CSMD1: variants seen among roughly 807,000 people sequenced by gnomAD.
CSMD1 encodes the protein CUB and sushi domain-containing protein 1.
Under a neutral mutation model 417.5 loss-of-function variants are expected in CSMD1, and 213 were observed. That is an observed-to-expected ratio of 0.51 (90% confidence interval 0.46 to 0.57). The LOEUF (loss-of-function observed/expected upper bound fraction) is 0.57. CSMD1 is among the 20% of genes least tolerant of loss of function. The pLI, the probability that CSMD1 is intolerant of heterozygous loss-of-function variation, is 0.00. For synonymous variants in CSMD1, 2,862 were observed against 1,736.8 expected (o/e 1.65, Z -16.11); for missense variants, 6,923 against 4,529.7 (o/e 1.53, Z -15.17).
chr8:4,253,720 A>G (rs1246245543), intron 3 of CSMD1, among the ~76,000 whole-genome samples: 1 of 151,942 alleles, frequency 6.6e-6, no homozygotes, highest in Non-Finnish European at 1.5e-5. Context: ...ATGCTTAACT[A>G]CACACATCAA....
At chr8:4,295,768 A>C (rs1310224960) in intron 3 of CSMD1, among the ~76,000 whole-genome samples, 1 of 36,266 alleles carries the variant, frequency 2.8e-5, no homozygotes, top group Non-Finnish European at 6.9e-5. Context: ...ATATATATAT[A>C]TATATATATA....
chr8:4,371,899 G>A (rs571817912), intron 3 of CSMD1, among the ~76,000 whole-genome samples: 2 of 152,238 alleles, frequency 1.3e-5, no homozygotes, highest in Non-Finnish European at 2.9e-5. Flanking sequence ...TGCAAGTTAA[G>A]AAGGGAAGTG....
intron 3 of CSMD1, among the ~76,000 whole-genome samples, chr8:4,290,113 G>T (rs949448799): frequency 6.6e-6 from 1 of 152,102 alleles, no homozygotes; most frequent in Non-Finnish European, 1.5e-5. Flanking sequence ...AAAACCAAAC[G>T]GAATCAAATA....
chr8:3,683,369 G>C (rs544901647), intron 7 of CSMD1, among the ~76,000 whole-genome samples: 4 of 152,154 alleles, frequency 2.6e-5, no homozygotes, highest in East Asian at 3.9e-4. Context: ...CGAGTGAGCT[G>C]TTTATTCTGG....
intron 2 of CSMD1, among the ~76,000 whole-genome samples, chr8:4,465,382 A>G: frequency 6.6e-6 from 1 of 152,286 alleles, no homozygotes; most frequent in Middle Eastern, 3.4e-3. Context: ...ATGAGAAAAC[A>G]TGGTTTGAAA....
In CSMD1 at chr8:2,936,554, C is replaced by G. The variant is rs562908637; in HGVS notation, c.*2031G>C. 6.6e-6 allele frequency: 1 copy of G among 152,136 alleles called. No homozygotes were observed. Among genetic ancestry groups the G allele is most frequent in the Admixed American group, 6.5e-5 (1 of 15,268 alleles). 9.4% of individuals were successfully genotyped at this position (152,136 alleles called of 1,614,324 possible). On this transcript the variant is annotated 3_prime_UTR_variant, in exon 70 of 70. Transcript: ENST00000635120. ...TGAAACAGCAATGTAAGGATTCCCA[C>G]TGGCAAAGCAAATCTCCAAGGATGT...
chr8:3,849,419 C>T (rs891173623), intron 5 of CSMD1, among the ~76,000 whole-genome samples: 3 of 152,138 alleles, frequency 2.0e-5, no homozygotes, highest in African/African-American at 7.2e-5. Context: ...GGAGTCCTTG[C>T]TTAAATGTCA....
At chr8:3,658,094 C>G (rs1798221224) in intron 7 of CSMD1, among the ~76,000 whole-genome samples, 1 of 152,122 alleles carries the variant, frequency 6.6e-6, no homozygotes, top group African/African-American at 2.4e-5. Context: ...TATCACAATG[C>G]TAGCAACATT....
intron 12 of CSMD1, among the ~76,000 whole-genome samples, chr8:3,453,845 G>C (rs1012239197): frequency 2.0e-5 from 3 of 152,180 alleles, no homozygotes; most frequent in Non-Finnish European, 2.9e-5. Flanking sequence ...GTGCAGAGCT[G>C]ACTTCAATTC....
At chr8:4,763,640 G>C (rs1812264106) in intron 1 of CSMD1, among the ~76,000 whole-genome samples, 1 of 152,106 alleles carries the variant, frequency 6.6e-6, no homozygotes, top group Admixed American at 6.6e-5. Flanking sequence ...ATACTTAATG[G>C]ATTAAATGGT....
chr8:4,052,749 G>C (rs1165974260), intron 3 of CSMD1, among the ~76,000 whole-genome samples: 2 of 150,634 alleles, frequency 1.3e-5, no homozygotes, highest in Admixed American at 6.6e-5. Context: ...AAAAGAACAA[G>C]TTTTAAAAAA....
At chr8:4,247,877 A>T (rs1041058273) in intron 3 of CSMD1, among the ~76,000 whole-genome samples, 1 of 152,162 alleles carries the variant, frequency 6.6e-6, no homozygotes, top group Non-Finnish European at 1.5e-5. Flanking sequence ...ACAATGTACA[A>T]ATTTTTCTTG....
intron 17 of CSMD1, among the ~76,000 whole-genome samples, chr8:3,393,277 G>A (rs532923108): frequency 3.3e-4 from 51 of 152,272 alleles, no homozygotes; most frequent in Middle Eastern, 3.4e-3. Context: ...ACAATTTCCT[G>A]TCTTCACTCA....
chr8:3,567,521 G>C (rs1243954604), intron 10 of CSMD1, among the ~76,000 whole-genome samples: 5 of 148,950 alleles, frequency 3.4e-5, no homozygotes, highest in Admixed American at 1.3e-4. Flanking sequence ...GGAGGGGGAA[G>C]GGGATGGGGG....
chr8:4,311,551 T>C (rs541928598), intron 3 of CSMD1, among the ~76,000 whole-genome samples: 85 of 151,890 alleles, frequency 5.6e-4, no homozygotes, highest in Non-Finnish European at 1.1e-3. Flanking sequence ...GGTGAAACCC[T>C]GTCTCTACTA....
chr8:3,951,228 C>A (rs991366314), intron 5 of CSMD1, among the ~76,000 whole-genome samples: 1 of 152,134 alleles, frequency 6.6e-6, no homozygotes, highest in Non-Finnish European at 1.5e-5. Context: ...ACTGCACAGG[C>A]GGGCACGGGT....
intron 4 of CSMD1, among the ~76,000 whole-genome samples, chr8:4,031,271 T>C (rs1243147715): frequency 6.6e-6 from 1 of 152,160 alleles, no homozygotes; most frequent in Non-Finnish European, 1.5e-5. Context: ...GCCTGGGCAA[T>C]TTACAAAAGA....
chr8:3,632,106 T>G (rs925483206), intron 7 of CSMD1, among the ~76,000 whole-genome samples: 1 of 152,200 alleles, frequency 6.6e-6, no homozygotes, highest in Non-Finnish European at 1.5e-5. Context: ...ATTACCAGAA[T>G]AAAATTGAGC....
chr8:3,408,576 C>T (rs1214842212), intron 13 of CSMD1, among the ~76,000 whole-genome samples: 1 of 151,270 alleles, frequency 6.6e-6, no homozygotes, highest in South Asian at 2.1e-4. Flanking sequence ...AAAGTATATT[C>T]CTATATCATA....
Sources: allele counts gnomAD v4.1 joint callset (sites outside exome capture counted in the v4.1 genomes callset), GRCh38; gene constraint gnomAD v4.1.1; transcripts MANE v1.5; gene names NCBI Gene and HGNC (gene_info 2026-07-23, HGNC 2026-07-21).